HECW2: variants seen among roughly 807,000 people sequenced by gnomAD.
HECW2 encodes the protein HECT, C2 and WW domain containing E3 ubiquitin protein ligase 2, also known as E3 ubiquitin-protein ligase HECW2.
A neutral mutation model predicts 175.2 loss-of-function variants in HECW2; 61 were observed. That is an observed-to-expected ratio of 0.35 (90% CI 0.28 to 0.43). The LOEUF (loss-of-function observed/expected upper bound fraction) is 0.43, where lower values mean the gene tolerates loss of function less well. HECW2 is among the 20% of genes least tolerant of loss of function. HECW2 has a pLI of 1.00. For missense variants in HECW2, 1,524 were observed against 2,000.5 expected (o/e 0.76, Z 4.54); for synonymous variants, 671 against 731.0 (o/e 0.92, Z 1.32).
intron 2 of HECW2, among the ~76,000 whole-genome samples, chr2:196,347,780 G>T (rs1231522377): frequency 6.6e-6 from 1 of 152,212 alleles, no homozygotes; most frequent in African/African-American, 2.4e-5. Context: ...CAACCATGGT[G>T]CTTGTCAAGT....
chr2:196,402,435 T>C (rs1355546097), intron 2 of HECW2, among the ~76,000 whole-genome samples: 1 of 152,100 alleles, frequency 6.6e-6, no homozygotes, highest in Non-Finnish European at 1.5e-5. Flanking sequence ...AGTGAGAGAC[T>C]CTGAGCCATT....
chr2:196,268,472 G>GAAAAC (rs754003162), intron 17 of HECW2, among the ~76,000 whole-genome samples: 58 of 152,224 alleles, frequency 3.8e-4, no homozygotes, highest in Non-Finnish European at 2.9e-4. Flanking sequence ...AAAGCAGAAA[G>GAAAAC]AAAACAAAAC....
chr2:196,495,216 C>A (rs114428146), intron 1 of HECW2, among the ~76,000 whole-genome samples: 6 of 151,938 alleles, frequency 3.9e-5, no homozygotes, highest in African/African-American at 1.5e-4. Flanking sequence ...TACAAGCGTA[C>A]GCCACCACGC....
At chr2:196,229,514 C>A (rs1687973104) in intron 21 of HECW2, among the ~76,000 whole-genome samples, 1 of 151,990 alleles carries the variant, frequency 6.6e-6, no homozygotes, top group Non-Finnish European at 1.5e-5. Flanking sequence ...CCCGTCTCTA[C>A]AAAAAATAAG....
chr2:196,216,106 A>G (rs1687466191), intron 27 of HECW2, 129 bp from the exon 28 acceptor site: 1 of 632,762 alleles, frequency 1.6e-6, no homozygotes, highest in Non-Finnish European at 2.8e-6. Context: ...AAAACTTCAC[A>G]GGTGTGGAAT....
At chr2:196,468,050 G>A (rs189339850) in intron 1 of HECW2, among the ~76,000 whole-genome samples, 33 of 152,036 alleles carry the variant, frequency 2.2e-4, no homozygotes, top group South Asian at 6.2e-4. Flanking sequence ...GTCTCACTCC[G>A]TTGCCCAGGC....
intron 2 of HECW2, among the ~76,000 whole-genome samples, chr2:196,415,855 G>A (rs887042920): frequency 2.0e-5 from 3 of 152,040 alleles, no homozygotes; most frequent in African/African-American, 4.8e-5. Flanking sequence ...CAAAAAGAAG[G>A]GGCAAAAAAC....
At chr2:196,526,641 A>AGT (rs1559159361) in intron 1 of HECW2, among the ~76,000 whole-genome samples, 3 of 117,588 alleles carry the variant, frequency 2.6e-5, no homozygotes, top group African/African-American at 1.4e-4. Context: ...GATGGTGATA[A>AGT]ACAGATGGGT....
At chr2:196,343,562 A>G in intron 3 of HECW2, 95 bp downstream of exon 3, 2 of 796,614 alleles carry the variant, frequency 2.5e-6, no homozygotes, top group South Asian at 1.7e-5. Flanking sequence ...TCCAAACCAA[A>G]GAATTTCAAA....
intron 2 of HECW2, among the ~76,000 whole-genome samples, chr2:196,383,044 A>G (rs917272997): frequency 2.0e-5 from 3 of 152,198 alleles, no homozygotes; most frequent in Non-Finnish European, 2.9e-5. Flanking sequence ...CAGTCAGAAG[A>G]GTGGTTCAAG....
At chr2:196,348,954 C>T (rs1039405009) in intron 2 of HECW2, among the ~76,000 whole-genome samples, 7 of 152,184 alleles carry the variant, frequency 4.6e-5, no homozygotes, top group Non-Finnish European at 8.8e-5. Flanking sequence ...TCCAAGAGGA[C>T]ATTAGGCCTG....
At chr2:196,423,684 TTGTG>T (rs60030164) in intron 2 of HECW2, among the ~76,000 whole-genome samples, 18 of 140,040 alleles carry the variant, frequency 1.3e-4, no homozygotes, top group African/African-American at 3.0e-4. Flanking sequence ...TAGTATTCCA[TTGTG>T]TGTGTGTGTG....
intron 2 of HECW2, among the ~76,000 whole-genome samples, chr2:196,395,005 GA>G (rs549538895): frequency 3.0e-4 from 46 of 152,304 alleles, no homozygotes; most frequent in Middle Eastern, 3.4e-3. Flanking sequence ...CCACTTGGTA[GA>G]AGGGGCCAGA....
intron 21 of HECW2, among the ~76,000 whole-genome samples, chr2:196,232,310 C>A (rs887364547): frequency 2.0e-5 from 3 of 152,148 alleles, no homozygotes; most frequent in Admixed American, 1.3e-4. Context: ...AATAATACTG[C>A]ACTTATAGAG....
intron 1 of HECW2, among the ~76,000 whole-genome samples, chr2:196,490,724 A>G (rs1687156595): frequency 6.6e-6 from 1 of 152,242 alleles, no homozygotes; most frequent in Admixed American, 6.5e-5. Context: ...GAACTGGTGA[A>G]TGATTAAACA....
chr2:196,369,574 A>G (rs771319714), intron 2 of HECW2, among the ~76,000 whole-genome samples: 2 of 152,050 alleles, frequency 1.3e-5, no homozygotes, highest in Non-Finnish European at 2.9e-5. Flanking sequence ...ACAGCACATA[A>G]CAAAGCTAGC....
intron 1 of HECW2, among the ~76,000 whole-genome samples, chr2:196,547,668 TTA>T (rs1347754454): frequency 6.6e-6 from 1 of 152,198 alleles, no homozygotes; most frequent in Non-Finnish European, 1.5e-5. Context: ...GGAGCAATAT[TTA>T]TGTTTCACAT....
intron 2 of HECW2, among the ~76,000 whole-genome samples, chr2:196,384,428 A>T (rs1020257017): frequency 6.6e-6 from 1 of 152,112 alleles, no homozygotes; most frequent in African/African-American, 2.4e-5. Context: ...AAAAAAATTT[A>T]AAAATTAACC....
At chr2:196,465,048 G>A (rs1470206308) in intron 1 of HECW2, among the ~76,000 whole-genome samples, 4 of 152,024 alleles carry the variant, frequency 2.6e-5, no homozygotes, top group East Asian at 1.9e-4. Flanking sequence ...AAAAAGAAGG[G>A]GATAGCAATA....
Sources: gnomAD v4.1 joint callset for allele counts (sites outside exome capture counted in the v4.1 genomes callset) on GRCh38, gnomAD v4.1.1 for gene constraint, MANE v1.5 for transcripts, NCBI Gene and HGNC (gene_info 2026-07-23, HGNC 2026-07-21) for gene names.